The following TLE4 variants were observed in gnomAD, a reference collection of about 807,000 sequenced individuals.
TLE4 encodes TLE family member 4, transcriptional corepressor.
Under a neutral mutation model 92.8 loss-of-function variants are expected in TLE4, and 8 were observed. The observed-to-expected ratio is 0.09, with a 90% CI of 0.05 to 0.16. TLE4 has a LOEUF of 0.16. Among genes scored for constraint, TLE4 ranks in the 10% least tolerant of loss-of-function variants. The pLI, the probability that TLE4 is intolerant of heterozygous loss-of-function variation, is 1.00. For synonymous variants in TLE4, 371 were observed against 374.1 expected, an observed-to-expected ratio of 0.99 and a Z score of 0.10; for missense variants, 675 against 997.6, an observed-to-expected ratio of 0.68 and a Z score of 4.36.
At position 79,571,991 on chromosome 9, in the gene TLE4, G is replaced by A; in HGVS notation, c.-800G>A. ...GAGCGTGTTGTTAGAGCTGTGCTGA[G>A]CGGGTGTTTGGGTTGTTGGCTGCTT... On this transcript the variant is annotated 5_prime_UTR_variant, in exon 1 of 20. Transcript: ENST00000376552. 1 of 152,276 alleles carries A rather than the reference G, an allele frequency of 6.6e-6. No individual in the cohort carries two copies. Among genetic ancestry groups the A allele is most frequent in the East Asian group, 1.9e-4 (1 of 5,188 alleles). The allele number at this position is 152,276 out of a possible 1,614,324, so 9.4% of individuals were successfully genotyped here.
intron 6 of TLE4, among the ~76,000 whole-genome samples, chr9:79,638,506 G>A (rs542756906): frequency 2.0e-3 from 300 of 150,878 alleles, no homozygotes; most frequent in African/African-American, 6.5e-3. Flanking sequence ...TCCTTTTTAA[G>A]GCAGCTCTAT....
chr9:79,726,046 T>C lies in TLE4; in HGVS notation c.*902T>C, dbSNP rs1202291960. 2.6e-5 allele frequency: 4 copies of C among 152,634 alleles called. No homozygotes were observed. Among genetic ancestry groups the C allele is most frequent in the Admixed American group, 6.5e-5 (1 of 15,288 alleles). The allele number at this position is 152,634 out of a possible 1,614,324, so 9.5% of individuals were successfully genotyped here. On this transcript the variant is annotated 3_prime_UTR_variant, in exon 20 of 20. Transcript: ENST00000376552. ...AGAAATTATGGGTTATTTTGTGGCA[T>C]GCTCTTTGGGAGCTGCACAGTTATG...
chr9:79,693,826 CA>C (rs1456707716), intron 8 of TLE4, among the ~76,000 whole-genome samples: 2 of 152,198 alleles, frequency 1.3e-5, no homozygotes, highest in Non-Finnish European at 1.5e-5. Context: ...AGTGATTGAT[CA>C]AATGGCATTC....
At chr9:79,649,947 ACT>A in intron 6 of TLE4, 1 of 1,184,604 alleles carries the variant, frequency 8.4e-7, no homozygotes. Flanking sequence ...ACAGGGTTTC[ACT>A]CTGTCACACA....
chr9:79,573,949 G>A (rs1009285256), intron 2 of TLE4, 163 bp downstream of exon 2: 11 of 424,886 alleles, frequency 2.6e-5, no homozygotes, highest in Non-Finnish European at 4.6e-5. Context: ...TCCTTCCTTA[G>A]GCAGGTGTAA....
At chr9:79,639,144 G>A (rs1266603859) in intron 6 of TLE4, among the ~76,000 whole-genome samples, 1 of 152,064 alleles carries the variant, frequency 6.6e-6, no homozygotes, top group Non-Finnish European at 1.5e-5. Context: ...ATCTTGTGAT[G>A]GGAGGGGATG....
intron 6 of TLE4, among the ~76,000 whole-genome samples, chr9:79,652,146 A>G (rs1337846057): frequency 6.6e-6 from 1 of 152,014 alleles, no homozygotes; most frequent in African/African-American, 2.4e-5. Context: ...TTAAAAATAT[A>G]TATATGTTAA....
intron 6 of TLE4, among the ~76,000 whole-genome samples, chr9:79,649,178 G>A (rs75497423): frequency 0.011 from 1,683 of 152,180 alleles, 38 homozygotes; most frequent in African/African-American, 0.038. Flanking sequence ...GTGTGTGTGT[G>A]TAGAGGAGGG....
intron 8 of TLE4, among the ~76,000 whole-genome samples, chr9:79,657,170 T>C (rs1416250930): frequency 6.6e-6 from 1 of 152,166 alleles, no homozygotes; most frequent in African/African-American, 2.4e-5. Flanking sequence ...CCTGCAGCCT[T>C]CCTTGCTTGT....
At chr9:79,673,447 T>C (rs2062743829) in intron 8 of TLE4, among the ~76,000 whole-genome samples, 1 of 152,150 alleles carries the variant, frequency 6.6e-6, no homozygotes, top group African/African-American at 2.4e-5. Context: ...CTTTCATGAG[T>C]TCCTTACCTT....
At chr9:79,618,897 A>G (rs2050294781) in intron 5 of TLE4, among the ~76,000 whole-genome samples, 2 of 152,230 alleles carry the variant, frequency 1.3e-5, no homozygotes, top group South Asian at 4.1e-4. Context: ...TTCTCTGATC[A>G]TTAGAATATT....
chr9:79,599,888 A>C (rs1385969808), intron 4 of TLE4, among the ~76,000 whole-genome samples: 1 of 152,020 alleles, frequency 6.6e-6, no homozygotes, highest in Non-Finnish European at 1.5e-5. Context: ...TCTTCATAGC[A>C]CTTCTCAGTA....
At chr9:79,697,111 A>C (rs777174848) in intron 8 of TLE4, among the ~76,000 whole-genome samples, 1 of 152,218 alleles carries the variant, frequency 6.6e-6, no homozygotes, top group African/African-American at 2.4e-5. Flanking sequence ...CAGAGTTAGC[A>C]TACAAGATTT....
At chr9:79,670,355 A>G (rs1349012645) in intron 8 of TLE4, among the ~76,000 whole-genome samples, 1 of 152,184 alleles carries the variant, frequency 6.6e-6, no homozygotes, top group Non-Finnish European at 1.5e-5. Flanking sequence ...CTCACAAATG[A>G]AAAGAATGAG....
At chr9:79,627,221 A>G (rs1362172608) in intron 5 of TLE4, among the ~76,000 whole-genome samples, 153 bp from the exon 6 acceptor site, 1 of 152,178 alleles carries the variant, frequency 6.6e-6, no homozygotes, top group Non-Finnish European at 1.5e-5. Flanking sequence ...CTAGACATCT[A>G]GTCATCCATC....
intron 8 of TLE4, among the ~76,000 whole-genome samples, chr9:79,677,251 T>TGAA (rs1378940201): frequency 3.3e-5 from 5 of 152,136 alleles, no homozygotes; most frequent in Admixed American, 6.6e-5. Context: ...AAAGTAGTAA[T>TGAA]TTTGGCTAAT....
intron 8 of TLE4, among the ~76,000 whole-genome samples, chr9:79,684,929 T>C (rs943712484): frequency 5.9e-5 from 9 of 152,154 alleles, no homozygotes; most frequent in African/African-American, 2.2e-4. Context: ...TCTAACACAG[T>C]AGTTTTAGAG....
intron 8 of TLE4, among the ~76,000 whole-genome samples, chr9:79,670,603 G>C (rs2062144914): frequency 6.6e-6 from 1 of 152,130 alleles, no homozygotes; most frequent in African/African-American, 2.4e-5. Flanking sequence ...TACATACTCT[G>C]TTCAAACTGC....
intron 8 of TLE4, among the ~76,000 whole-genome samples, chr9:79,701,651 A>G (rs914048433): frequency 5.9e-5 from 9 of 152,330 alleles, no homozygotes; most frequent in African/African-American, 1.9e-4. Context: ...CTGAATTGCC[A>G]TATTACCGAT....
Sources: allele counts gnomAD v4.1 joint callset (sites outside exome capture counted in the v4.1 genomes callset), GRCh38; gene constraint gnomAD v4.1.1; transcripts MANE v1.5; gene names NCBI Gene and HGNC (gene_info 2026-07-23, HGNC 2026-07-21).